Variants in SCGB2B2 observed in about 807,000 individuals in gnomAD.
SCGB2B2 encodes secretoglobin family 2B member 2, also known as secretoglobin-like protein.
A neutral mutation model predicts 7.6 loss-of-function variants in SCGB2B2; 11 were observed. The observed-to-expected ratio is 1.45, with a 90% CI of 0.91 to 2.40. SCGB2B2 has a LOEUF of 2.40. Among genes scored for constraint, SCGB2B2 ranks in the 30% most tolerant of loss-of-function variants. The probability of loss-of-function intolerance (pLI) is 0.00; values close to 1 mark genes in which losing one functional copy is unlikely to be tolerated. For synonymous variants in SCGB2B2, 50 were observed against 48.6 expected (o/e 1.03, Z -0.12); for missense variants, 104 against 115.4 (o/e 0.90, Z 0.45).
rs1000732429 is a variant in SCGB2B2 at position 34,672,797 on chromosome 19, C to T, written c.-2032+2833G>A. ...CTGAAACTTTGTCTCCCTTCATACA[C>T]GACACCTTCTTCCATAACCTCACAT... On this transcript the variant is annotated intron_variant, in intron 1 of 3. Coordinates refer to ENST00000601241, the MANE Select transcript of SCGB2B2 (RefSeq NM_001025591.4). Among the ~76,000 whole-genome samples the T allele has an allele frequency of 1.2e-4, 19 of 152,294 alleles. No individual in the cohort carries two copies. In the South Asian group the frequency reaches 2.9e-3, roughly 23 times the overall value.
chr19:34,635,553 GT>G, intron 1 of SCGB2B2: 1 of 253,192 alleles, frequency 3.9e-6, no homozygotes, highest in Non-Finnish European at 8.2e-6. Context: ...CTGGTGTACA[GT>G]AAGGCTAGAG....
chr19:34,598,590 C>G (rs1340839532), intron 1 of SCGB2B2, among the ~76,000 whole-genome samples: 1 of 152,146 alleles, frequency 6.6e-6, no homozygotes, highest in Non-Finnish European at 1.5e-5. Context: ...CATGGCTTTG[C>G]TGGGATAGGG....
chr19:34,589,932 CAGGGAGTTGGTCCTAGAGG>C (rs1454282313), downstream of SCGB2B2, among the ~76,000 whole-genome samples: 3 of 152,092 alleles, frequency 2.0e-5, no homozygotes, highest in Non-Finnish European at 2.9e-5. Flanking sequence ...GCCTGGAGCC[CAGGGAGTTGGTCCTAGAGG>C]AAGGAGGCAG....
chr19:34,612,098 C>T (rs2065949284), intron 1 of SCGB2B2, among the ~76,000 whole-genome samples: 1 of 123,074 alleles, frequency 8.1e-6, no homozygotes, highest in African/African-American at 3.0e-5. Flanking sequence ...AGTGCAGTAG[C>T]ATGATCTTAG....
At position 34,594,638 on chromosome 19, in the gene SCGB2B2, G is replaced by A; in HGVS notation, c.-75C>T. 9.3e-7 allele frequency: 1 copy of A among 1,075,490 alleles called. No individual in the cohort carries two copies. Among genetic ancestry groups the A allele is most frequent in the South Asian group, 1.3e-5 (1 of 78,324 alleles). The allele number at this position is 1,075,490 out of a possible 1,614,324, so 66.6% of individuals were successfully genotyped here. On this transcript the variant is annotated 5_prime_UTR_variant, in exon 2 of 4. Coordinates refer to ENST00000601241, the MANE Select transcript of SCGB2B2 (RefSeq NM_001025591.4). Reference sequence around the variant, plus strand: ...GTGAGCTTTATGTATATCTGAACAAGGCACATGCCTCTTCGTGTGTGTGTG... The same window carrying A: ...GTGAGCTTTATGTATATCTGAACAAAGCACATGCCTCTTCGTGTGTGTGTG...
chr19:34,642,459 T>C (rs2066869443), intron 1 of SCGB2B2, among the ~76,000 whole-genome samples: 1 of 152,130 alleles, frequency 6.6e-6, no homozygotes, highest in Non-Finnish European at 1.5e-5. Flanking sequence ...CTCACACCTG[T>C]AAGCCCAGCA....
At chr19:34,628,543 T>C (rs894501836) in intron 1 of SCGB2B2, among the ~76,000 whole-genome samples, 2 of 151,802 alleles carry the variant, frequency 1.3e-5, no homozygotes, top group African/African-American at 4.8e-5. Context: ...CCTGGACACA[T>C]ACACCCTCCC....
intron 1 of SCGB2B2, chr19:34,645,703 A>G (rs1244118108): frequency 7.1e-6 from 3 of 425,520 alleles, no homozygotes; most frequent in African/African-American, 2.1e-5. Flanking sequence ...TGCTGGCTCT[A>G]ATCTGCAGCG....
At position 34,596,390 on chromosome 19, in the gene SCGB2B2, C is replaced by CATGT. The variant is rs1304726864; in HGVS notation, c.-1828_-1827insACAT. 2.4e-4 allele frequency: 37 copies of CATGT among 152,666 alleles called. No homozygotes were observed. Among genetic ancestry groups the CATGT allele is most frequent in the African/African-American group, 8.7e-4 (36 of 41,454 alleles). The allele number at this position is 152,666 out of a possible 1,614,324, so 9.5% of individuals were successfully genotyped here. ...TGCGTGCTGAGACTCTCAGCCGGCT[C>CATGT]TGTGGCCTGTCATGTTGTGTGTGCG... On this transcript the variant is annotated 5_prime_UTR_variant, in exon 2 of 4. It adds an upstream start codon to the 5' untranslated region. Transcript: ENST00000601241.
chr19:34,638,475 C>G (rs1474373769), intron 1 of SCGB2B2, among the ~76,000 whole-genome samples: 1 of 151,160 alleles, frequency 6.6e-6, no homozygotes, highest in African/African-American at 2.4e-5. Context: ...ACCCATCCCC[C>G]CCCAAAAAAA....
intron 1 of SCGB2B2, among the ~76,000 whole-genome samples, chr19:34,619,555 A>G (rs1194989958): frequency 3.3e-5 from 5 of 152,216 alleles, no homozygotes; most frequent in African/African-American, 9.7e-5. Context: ...TATGAGATGT[A>G]GAATCTCCCC....
rs1189296393 is a variant in SCGB2B2, at chr19:34,658,790, C to CACAACAACA, written c.-2032+16831_-2032+16839dup. ...TCCTGATACCAAAGCCTGGCAGAGA[C>CACAACAACA]ACAACAACAACAACAACAACAACAA... On this transcript the variant is annotated intron_variant, in intron 1 of 3. Transcript: ENST00000601241. Among the ~76,000 whole-genome samples, 29 of 115,360 alleles carry CACAACAACA rather than the reference C, an allele frequency of 2.5e-4. 2 individuals carry two copies. Among genetic ancestry groups the CACAACAACA allele is most frequent in the South Asian group, 6.0e-4 (2 of 3,332 alleles). 75.7% of individuals were successfully genotyped at this position (115,360 alleles called of 152,430 possible).
At chr19:34,637,551 C>T (rs970325256) in intron 1 of SCGB2B2, 9 of 202,856 alleles carry the variant, frequency 4.4e-5, no homozygotes, top group Non-Finnish European at 6.9e-5. Context: ...GTCCCTCGAG[C>T]TTCAATTCTT....
In SCGB2B2 at chr19:34,591,631, C is replaced by T. The variant is rs144211814; in HGVS notation, c.*1924G>A. ...ACCTGGCACTTGCCTCGTTTTCTGA[C>T]GTGACCTCCTTCCCTGCTGCCCCTT... On this transcript the variant is annotated 3_prime_UTR_variant, in exon 4 of 4. Coordinates refer to ENST00000601241, the MANE Select transcript of SCGB2B2 (RefSeq NM_001025591.4). 1.0e-3 allele frequency among the ~76,000 whole-genome samples: 159 copies of T among 152,348 alleles called. 1 individual carries two copies. Among genetic ancestry groups the T allele is most frequent in the African/African-American group, 3.6e-3 (149 of 41,572 alleles).
intron 1 of SCGB2B2, among the ~76,000 whole-genome samples, chr19:34,616,309 G>T (rs374400915): frequency 1.7e-4 from 25 of 148,058 alleles, no homozygotes; most frequent in African/African-American, 5.7e-4. Flanking sequence ...CCACCGACAG[G>T]GTAAAAGTGT....
intron 1 of SCGB2B2, among the ~76,000 whole-genome samples, chr19:34,639,598 C>T (rs775608369): frequency 4.6e-5 from 7 of 152,148 alleles, no homozygotes; most frequent in Non-Finnish European, 7.4e-5. Flanking sequence ...AAAGGGACCA[C>T]AAAGAATTTT....
intron 1 of SCGB2B2, 149 bp downstream of exon 1, chr19:34,675,481 C>T (rs1383357016): frequency 2.6e-5 from 4 of 152,240 alleles, no homozygotes; most frequent in Admixed American, 6.5e-5. Context: ...AGACCTACTT[C>T]CCAGACACTT....
intron 1 of SCGB2B2, chr19:34,632,201 C>G (rs905672028): frequency 6.6e-6 from 1 of 152,184 alleles, no homozygotes; most frequent in African/African-American, 2.4e-5. Context: ...TTTCTTAAAT[C>G]TTGGCAAATA....
In SCGB2B2 at chr19:34,661,276, AAAAT is replaced by A. The variant is rs906105270; in HGVS notation, c.-2032+14350_-2032+14353del. 3.9e-3 allele frequency among the ~76,000 whole-genome samples: 601 copies of A among 152,310 alleles called. 3 individuals carry two copies. Among genetic ancestry groups the A allele is most frequent in the African/African-American group, 0.014 (569 of 41,556 alleles). The stretch of plus-strand genomic sequence containing the variant: ...ACCCTAGAACTCAAAGTATAATAAA[AAAAT>A]AAATAAATAAACGTGCAATGACATT... On this transcript the variant is annotated intron_variant, in intron 1 of 3. Coordinates refer to ENST00000601241, the MANE Select transcript of SCGB2B2 (RefSeq NM_001025591.4).
Sources: allele counts gnomAD v4.1 joint callset (sites outside exome capture counted in the v4.1 genomes callset), GRCh38; gene constraint gnomAD v4.1.1; transcripts MANE v1.5; gene names NCBI Gene and HGNC (gene_info 2026-07-23, HGNC 2026-07-21).